Variants in BZW2 observed in about 807,000 individuals in gnomAD.
The protein encoded by BZW2 is eIF5-mimic protein 1.
Under a neutral mutation model 53.2 loss-of-function variants are expected in BZW2, and 23 were observed. The ratio of observed to expected loss-of-function variants is 0.43; its 90% CI spans 0.31 to 0.61. BZW2 has a LOEUF of 0.61. BZW2 is among the 20% of genes least tolerant of loss of function. BZW2 has a pLI of 0.09. For synonymous variants in BZW2, 227 were observed against 186.4 expected, an observed-to-expected ratio of 1.22 and a Z score of -1.77; for missense variants, 409 against 503.1, an observed-to-expected ratio of 0.81 and a Z score of 1.79.
intron 6 of BZW2, chr7:16,687,010 C>T (rs1006505068): frequency 6.7e-6 from 1 of 149,210 alleles, no homozygotes; most frequent in African/African-American, 2.6e-5. Context: ...ATTTTGCACA[C>T]AGAAAGTCAA....
intron 2 of BZW2, among the ~76,000 whole-genome samples, chr7:16,667,707 A>C (rs1164853728): frequency 6.6e-6 from 1 of 152,244 alleles, no homozygotes; most frequent in Non-Finnish European, 1.5e-5. Flanking sequence ...AAAATATAAA[A>C]ATTAAAAAAA....
intron 1 of BZW2, among the ~76,000 whole-genome samples, chr7:16,650,354 A>T (rs559910159): frequency 6.6e-6 from 1 of 152,246 alleles, no homozygotes; most frequent in South Asian, 2.1e-4. Flanking sequence ...TGAAGTGGAG[A>T]TACTGATGTT....
At chr7:16,697,948 C>T (rs532940580) in intron 9 of BZW2, 100 bp from the exon 10 acceptor site, 2 of 1,446,138 alleles carry the variant, frequency 1.4e-6, no homozygotes, top group Non-Finnish European at 1.9e-6. Flanking sequence ...GAAAGTCAGT[C>T]TTTTCTAAGC....
chr7:16,665,615 GCT>G, intron 2 of BZW2, 114 bp downstream of exon 2: 1 of 1,506,156 alleles, frequency 6.6e-7, no homozygotes, highest in South Asian at 1.2e-5. Context: ...ACTCATTTGA[GCT>G]CTGAGTGTAG....
At chr7:16,671,382 T>C (rs1447123872) in intron 2 of BZW2, among the ~76,000 whole-genome samples, 1 of 152,206 alleles carries the variant, frequency 6.6e-6, no homozygotes, top group African/African-American at 2.4e-5. Flanking sequence ...ATCTCTTGAG[T>C]TGGGGGGCCT....
At chr7:16,656,708 T>C (rs977520826) in intron 1 of BZW2, among the ~76,000 whole-genome samples, 5 of 152,232 alleles carry the variant, frequency 3.3e-5, no homozygotes, top group Non-Finnish European at 7.3e-5. Context: ...TTAGTTGACA[T>C]TCTACTGAAG....
In BZW2 at chr7:16,698,127, G is replaced by A; in HGVS notation, c.1049G>A (p.Cys350Tyr). ...CTCCTCCAGAAGGTTCAGGAATACT[G>A]CTACGACAACATCCATTTCATGAAA... is the stretch of plus-strand genomic sequence containing the variant. ...LILLQKVQEY[C>Y]YDNIHFMKAF... is the part of the protein sequence containing the mutation. The change falls in exon 10 of 12, where the codon TGC becomes TAC. Residue 350 changes from cysteine to tyrosine, a missense_variant. Physicochemically the swap from Cys to Tyr is radical, Grantham distance 194. Around this residue, in one of 3 missense-constraint regions of BZW2, gnomAD observed 88 missense variants for 114.6 expected, o/e 0.77. Coordinates refer to ENST00000258761, the MANE Select transcript of BZW2 (RefSeq NM_014038.3). 1 of 1,614,192 alleles carries A rather than the reference G, an allele frequency of 6.2e-7. No individual in the cohort carries two copies.
intron 1 of BZW2, among the ~76,000 whole-genome samples, chr7:16,662,668 G>A (rs766199327): frequency 2.0e-5 from 3 of 152,128 alleles, no homozygotes; most frequent in Non-Finnish European, 4.4e-5. Context: ...TGTAATCCTA[G>A]TTACTCAAGA....
At chr7:16,650,205 G>T (rs138583066) in intron 1 of BZW2, among the ~76,000 whole-genome samples, 2 of 152,246 alleles carry the variant, frequency 1.3e-5, no homozygotes, top group East Asian at 3.9e-4. Flanking sequence ...AAAAGTAAAA[G>T]GTTGGTGGCA....
chr7:16,652,297 C>T (rs1267251793), intron 1 of BZW2, among the ~76,000 whole-genome samples: 1 of 152,114 alleles, frequency 6.6e-6, no homozygotes, highest in East Asian at 1.9e-4. Context: ...ATAAACACAA[C>T]TGCATCTCGA....
At chr7:16,665,822 T>G (rs1287265144) in intron 2 of BZW2, among the ~76,000 whole-genome samples, 1 of 152,228 alleles carries the variant, frequency 6.6e-6, no homozygotes, top group Non-Finnish European at 1.5e-5. Context: ...TTTGCTTTCT[T>G]TGTCGTTTTA....
intron 5 of BZW2, among the ~76,000 whole-genome samples, chr7:16,684,209 C>A (rs73065833): frequency 6.6e-6 from 1 of 152,096 alleles, no homozygotes; most frequent in Non-Finnish European, 1.5e-5. Context: ...AGTGGAAATG[C>A]GAGGTGCAAA....
chr7:16,687,541 ACT>A (rs1268220949), intron 6 of BZW2: 2 of 151,662 alleles, frequency 1.3e-5, no homozygotes, highest in Non-Finnish European at 2.9e-5. Flanking sequence ...ACAAAGCAAG[ACT>A]CTCTTCTCTA....
rs1048898768 is a variant in BZW2 at position 16,666,538 on chromosome 7, G to A, written c.58+1037G>A. On this transcript the variant is annotated intron_variant, in intron 2 of 11. Coordinates refer to ENST00000258761, the MANE Select transcript of BZW2 (RefSeq NM_014038.3). Reference sequence around the variant, plus strand: ...CTGCCTCAGCCTCCCAAGTAGCTGGGATTACAGGCAACCGCCATCATACCC... The same window carrying A: ...CTGCCTCAGCCTCCCAAGTAGCTGGAATTACAGGCAACCGCCATCATACCC... Among the ~76,000 whole-genome samples, 4 of 152,080 alleles carry A rather than the reference G, an allele frequency of 2.6e-5. 1 individual carries two copies. In the South Asian group the frequency reaches 6.2e-4, roughly 24 times the overall value.
rs561799319 is a variant in BZW2, at chr7:16,673,009, G to C, written c.59-1403G>C. Among the ~76,000 whole-genome samples the C allele has an allele frequency of 4.0e-5, 6 of 151,742 alleles. No individual in the cohort carries two copies. In the East Asian group the frequency reaches 1.2e-3, roughly 29 times the overall value. On this transcript the variant is annotated intron_variant, in intron 2 of 11. Coordinates refer to ENST00000258761, the MANE Select transcript of BZW2 (RefSeq NM_014038.3). ...CACCCAGGCTGGAGTGCAATGGCGC[G>C]ATCTTGGCTCACTGCAAGCTCCGCC...
intron 6 of BZW2, chr7:16,687,430 GA>G (rs1783160490): frequency 6.6e-6 from 1 of 152,120 alleles, no homozygotes; most frequent in African/African-American, 2.4e-5. Flanking sequence ...AAAGGATTAA[GA>G]AAATGCTGGG....
chr7:16,648,254 C>G (rs1781915454), intron 1 of BZW2, among the ~76,000 whole-genome samples: 1 of 152,176 alleles, frequency 6.6e-6, no homozygotes, highest in African/African-American at 2.4e-5. Flanking sequence ...AAGATAGCTA[C>G]TTCATATTGA....
At chr7:16,656,934 T>G (rs1291696248) in intron 1 of BZW2, among the ~76,000 whole-genome samples, 1 of 151,994 alleles carries the variant, frequency 6.6e-6, no homozygotes, top group Non-Finnish European at 1.5e-5. Flanking sequence ...CTAGCTTGAT[T>G]TTTTTTTAGA....
At chr7:16,667,054 G>A (rs933811626) in intron 2 of BZW2, among the ~76,000 whole-genome samples, 1 of 151,772 alleles carries the variant, frequency 6.6e-6, no homozygotes, top group African/African-American at 2.4e-5. Flanking sequence ...AGGCCGAGGC[G>A]AGTGGATCAC....
Sources: gnomAD v4.1 joint callset for allele counts (sites outside exome capture counted in the v4.1 genomes callset) on GRCh38, gnomAD v4.1.1 for gene constraint, gnomAD v4.1.1 regional missense constraint, MANE v1.5 for transcripts, NCBI Gene and HGNC (gene_info 2026-07-23, HGNC 2026-07-21) for gene names.